Variants in ZNF274 observed in about 807,000 individuals in gnomAD.
The protein encoded by ZNF274 is zinc finger protein 274, also known as neurotrophin receptor-interacting factor homolog.
ZNF274 carries 23 observed loss-of-function variants against 42.5 expected under a neutral mutation model. The ratio of observed to expected loss-of-function variants is 0.54; its 90% CI spans 0.39 to 0.77. The LOEUF (loss-of-function observed/expected upper bound fraction) is 0.77, where lower values mean the gene tolerates loss of function less well. Ranked by LOEUF, ZNF274 falls within the 30% of genes least tolerant of loss-of-function variation. The pLI, the probability that ZNF274 is intolerant of heterozygous loss-of-function variation, is 0.00. For synonymous variants in ZNF274, 292 were observed against 305.4 expected (o/e 0.96, Z 0.46); for missense variants, 679 against 806.5 (o/e 0.84, Z 1.91).
chr19:58,187,170 C>A, intron 4 of ZNF274, 128 bp downstream of exon 4: 1 of 757,450 alleles, frequency 1.3e-6, no homozygotes, highest in Non-Finnish European at 2.1e-6. Flanking sequence ...GTTGCAGAAC[C>A]AAACTCGAAG....
At chr19:58,206,650 G>T in intron 4 of ZNF274, 70 bp from the exon 5 acceptor site, 1 of 1,471,466 alleles carries the variant, frequency 6.8e-7, no homozygotes, top group South Asian at 1.4e-5. Flanking sequence ...CATTTCCCTA[G>T]TGAATAATGG....
rs568100541 is a variant in ZNF274, at chr19:58,201,781, C to T, written c.257-4939C>T. Reference sequence around the variant, plus strand: ...CTGCCCACCTCGGCCTCCCAAAGTGCTGGGATTACAGGCATGAGTCACCGC... The same window carrying T: ...CTGCCCACCTCGGCCTCCCAAAGTGTTGGGATTACAGGCATGAGTCACCGC... On this transcript the variant is annotated intron_variant, in intron 4 of 7. Transcript: ENST00000617501. 1.2e-4 allele frequency among the ~76,000 whole-genome samples: 18 copies of T among 152,256 alleles called. No individual in the cohort carries two copies. The East Asian group carries it at 3.5e-3, about 29-fold the overall frequency.
In ZNF274 at chr19:58,206,990, G is replaced by T; in HGVS notation, c.527G>T (p.Arg176Leu). The change falls in exon 5 of 8, where the codon CGG becomes CTG. Residue 176 changes from arginine (R) to leucine (L), a missense_variant. This residue lies in a region of ZNF274 where 456 missense variants were observed against 590.1 expected (regional missense o/e 0.77). Coordinates refer to ENST00000617501, the MANE Select transcript of ZNF274 (RefSeq NM_133502.3). ...CGTTATAAGGACATGACAGGTCCCC[G>T]GGAGGCCCTGGACCAGCTCCGAGAG... The part of the protein sequence containing the change: ...QFRYKDMTGP[R>L]EALDQLRELC... The T allele has an allele frequency of 3.7e-6, 6 of 1,609,750 alleles. No homozygotes were observed. The highest frequency in any genetic ancestry group is 5.1e-6 in the Non-Finnish European group (6 of 1,178,060).
chr19:58,208,825 C>T lies in ZNF274; in HGVS notation c.740-1136C>T, dbSNP rs2076006557. ...AATAGGAAACTAGTTAGTTAGGTGCCAAGGAGACAGTTGTGGGGTTAATGA... is the reference window on the plus strand; with the variant it reads ...AATAGGAAACTAGTTAGTTAGGTGCTAAGGAGACAGTTGTGGGGTTAATGA... On this transcript the variant is annotated intron_variant, in intron 5 of 7. Transcript: ENST00000617501. This position sits in a 1 kb window ranked among gnomAD's most constrained non-coding sequence, Gnocchi z 4.5. The T allele has an allele frequency of 7.0e-6, 1 of 143,676 alleles. No individual in the cohort carries two copies. The highest frequency in any genetic ancestry group is 2.4e-5 in the African/African-American group (1 of 41,086). The allele number at this position is 143,676 out of a possible 1,614,324, so 8.9% of individuals were successfully genotyped here. A position where few individuals can be genotyped will look rare whatever the true frequency, so the allele number is the denominator to read the frequency against.
At position 58,185,838 on chromosome 19, in the gene ZNF274, G is replaced by T; in HGVS notation, c.160G>T (p.Glu54Ter). 7.3e-7 allele frequency: 1 copy of T among 1,370,380 alleles called. No homozygotes were observed. The highest frequency in any genetic ancestry group is 9.5e-7 in the Non-Finnish European group (1 of 1,050,752). 84.9% of individuals were successfully genotyped at this position (1,370,380 alleles called of 1,614,324 possible). A position where few individuals can be genotyped will look rare whatever the true frequency, so the allele number is the denominator to read the frequency against. ...GAACTACAGGAACCTGGTCTCAGTG[G>T]GTAAGGCTGGCCTCCAGGTCAAGAA... Reference protein sequence around the residue: ...LENYRNLVSVEHQLSKPDVVS... With the variant: ...LENYRNLVSV Residue 54 changes from glutamate (E) to a stop codon, truncating the protein, a stop_gained and splice_region_variant, in exon 3 of 8, where the codon GAA (glutamate) becomes TAA (stop). Coordinates refer to ENST00000617501, the MANE Select transcript of ZNF274 (RefSeq NM_133502.3). LOFTEE classifies it high-confidence loss of function.
intron 3 of ZNF274, among the ~76,000 whole-genome samples, chr19:58,186,665 G>A (rs1449361847): frequency 6.6e-6 from 1 of 152,098 alleles, no homozygotes; most frequent in African/African-American, 2.4e-5. Context: ...AAGGAGAAGG[G>A]GTAGCCCTTT....
intron 4 of ZNF274, among the ~76,000 whole-genome samples, chr19:58,202,791 T>G (rs965534755): frequency 1.3e-5 from 2 of 152,196 alleles, no homozygotes; most frequent in African/African-American, 4.8e-5. Context: ...GGTTGACATT[T>G]GGAGGACTGA....
At chr19:58,188,694 G>GTATGTATATA (rs1555816898) in intron 4 of ZNF274, among the ~76,000 whole-genome samples, 6 of 74,656 alleles carry the variant, frequency 8.0e-5, no homozygotes, top group African/African-American at 2.2e-4. Flanking sequence ...ATATGTATAT[G>GTATGTATATA]TATATATATA....
At chr19:58,210,179 C>T in intron 6 of ZNF274, 106 bp downstream of exon 6, 2 of 797,478 alleles carry the variant, frequency 2.5e-6, no homozygotes, top group Non-Finnish European at 4.0e-6. Context: ...CTCCCACAGG[C>T]TGGGACATTC....
rs556377366 is a variant in ZNF274 at position 58,208,790 on chromosome 19, C to T, written c.740-1171C>T. The T allele has an allele frequency of 6.6e-6, 1 of 152,344 alleles. No individual in the cohort carries two copies. The highest frequency in any genetic ancestry group is 1.9e-4 in the East Asian group (1 of 5,190). 9.4% of individuals were successfully genotyped at this position (152,344 alleles called of 1,614,324 possible). A position where few individuals can be genotyped will look rare whatever the true frequency, so the allele number is the denominator to read the frequency against. On this transcript the variant is annotated intron_variant, in intron 5 of 7. Transcript: ENST00000617501. The surrounding 1 kb of genome is among the most constrained non-coding windows in gnomAD (Gnocchi z 4.5). Reference sequence around the variant, plus strand: ...GAGCCGCTGGCATTGTGGCAATTCACTATAACAGCAATAGGAAACTAGTTA... The same window carrying T: ...GAGCCGCTGGCATTGTGGCAATTCATTATAACAGCAATAGGAAACTAGTTA...
rs757632139 is a variant in ZNF274, at chr19:58,211,600, G to A, written c.893G>A (p.Arg298Gln). ...CAGGATGTGGCTGTGGACTTCAGCC[G>A]GGAGGAGTGGGGGCTGCTGGGCCCG... The part of the protein sequence containing the change: ...TFQDVAVDFS[R>Q]EEWGLLGPTQ... The change falls in exon 7 of 8, where the codon CGG becomes CAG. Residue 298 changes from arginine (R) to glutamine (Q), a missense_variant. By Grantham distance (43) the Arg-to-Gln change is conservative (BLOSUM62 1). This residue lies in a region of ZNF274 where 456 missense variants were observed against 590.1 expected (regional missense o/e 0.77). Transcript: ENST00000617501. This position sits in a 1 kb window ranked among gnomAD's most constrained non-coding sequence, Gnocchi z 4.8. The A allele has an allele frequency of 1.7e-5, 27 of 1,613,596 alleles. No individual in the cohort carries two copies. Among genetic ancestry groups the A allele is most frequent in the African/African-American group, 2.7e-5 (2 of 74,904 alleles).
intron 5 of ZNF274, 190 bp from the exon 6 acceptor site, chr19:58,209,771 G>C: frequency 3.8e-6 from 2 of 530,304 alleles, no homozygotes; most frequent in South Asian, 2.2e-5. Flanking sequence ...GCCCATCCAG[G>C]TGTGGGCACT....
intron 5 of ZNF274, 83 bp from the exon 6 acceptor site, chr19:58,209,878 C>T: frequency 1.2e-6 from 1 of 857,864 alleles, no homozygotes; most frequent in Non-Finnish European, 1.8e-6. Flanking sequence ...TGCGGTGGCC[C>T]CATGGGTTGC....
At chr19:58,206,391 GT>G (rs2146240835) in intron 4 of ZNF274, among the ~76,000 whole-genome samples, 1 of 152,356 alleles carries the variant, frequency 6.6e-6, no homozygotes, top group East Asian at 1.9e-4. Context: ...TCTTATAGAA[GT>G]TTTTGGGGAC....
At chr19:58,184,786 C>CA (rs1417784669) in intron 2 of ZNF274, 3 of 152,074 alleles carry the variant, frequency 2.0e-5, no homozygotes, top group Non-Finnish European at 4.4e-5. Context: ...CCCTAGGAGG[C>CA]ATACGCACCA....
intron 4 of ZNF274, among the ~76,000 whole-genome samples, chr19:58,188,674 G>GTC (rs1555816846): frequency 1.2e-5 from 1 of 84,906 alleles, no homozygotes; most frequent in African/African-American, 6.0e-5. Flanking sequence ...GTGTGTGTGT[G>GTC]TGTATATATA....
intron 4 of ZNF274, among the ~76,000 whole-genome samples, chr19:58,188,823 G>A (rs550345212): frequency 6.7e-6 from 1 of 148,664 alleles, no homozygotes; most frequent in South Asian, 2.1e-4. Context: ...GGAGTTTGAG[G>A]TTATAGTAAG....
intron 4 of ZNF274, among the ~76,000 whole-genome samples, chr19:58,188,624 T>A (rs4801255): frequency 8.1e-3 from 182 of 22,522 alleles, no homozygotes; most frequent in Non-Finnish European, 0.011. Context: ...AAAAAAAATA[T>A]ATATATATAT....
intron 4 of ZNF274, among the ~76,000 whole-genome samples, chr19:58,205,030 G>A (rs937804713): frequency 1.3e-5 from 2 of 152,166 alleles, no homozygotes; most frequent in Non-Finnish European, 2.9e-5. Context: ...TGTGCTTGTT[G>A]CCAGAGGTTG....
Sources: gnomAD v4.1 joint callset for allele counts (sites outside exome capture counted in the v4.1 genomes callset) on GRCh38, gnomAD v4.1.1 for gene constraint, gnomAD v4.1.1 regional missense constraint, Gnocchi (gnomAD v3.1) non-coding constraint, MANE v1.5 for transcripts, NCBI Gene and HGNC (gene_info 2026-07-23, HGNC 2026-07-21) for gene names.